CCDC171: variants seen among roughly 807,000 people sequenced by gnomAD.
CCDC171 encodes coiled-coil domain-containing protein 171.
Under a neutral mutation model 168.2 loss-of-function variants are expected in CCDC171, and 177 were observed. That is an observed-to-expected ratio of 1.05 (90% CI 0.93 to 1.19). The LOEUF (loss-of-function observed/expected upper bound fraction) is 1.19, where lower values mean the gene tolerates loss of function less well. Among genes scored for constraint, CCDC171 ranks in the 50% most tolerant of loss-of-function variants. The pLI is 0.00. For missense variants in CCDC171, 1,991 were observed against 1,539.0 expected, an observed-to-expected ratio of 1.29 and a Z score of -4.91; for synonymous variants, 687 against 540.8, an observed-to-expected ratio of 1.27 and a Z score of -3.75.
At chr9:15,633,795 C>T (rs927823318) in intron 7 of CCDC171, among the ~76,000 whole-genome samples, 1 of 152,090 alleles carries the variant, frequency 6.6e-6, no homozygotes, top group South Asian at 2.1e-4. Context: ...CAATGATAGA[C>T]TGGATTAAGA....
At chr9:15,934,158 C>G (rs187289414) in intron 25 of CCDC171, among the ~76,000 whole-genome samples, 1 of 151,700 alleles carries the variant, frequency 6.6e-6, no homozygotes, top group Non-Finnish European at 1.5e-5. Context: ...CTTTGGGAGG[C>G]TGAGGCAGGA....
chr9:15,979,072 T>G (rs576871046), intron 3 of CCDC171, among the ~76,000 whole-genome samples: 3 of 152,262 alleles, frequency 2.0e-5, no homozygotes, highest in Admixed American at 1.3e-4. Flanking sequence ...TCTACTTCAT[T>G]CCTTTTCAAG....
chr9:16,055,836 A>G (rs962389915), intron 1 of CCDC171, among the ~76,000 whole-genome samples: 1 of 152,282 alleles, frequency 6.6e-6, no homozygotes, highest in Non-Finnish European at 1.5e-5. Context: ...GTTAGGAACT[A>G]TTGCAGAATG....
At chr9:15,939,412 A>G (rs777848345) in intron 25 of CCDC171, among the ~76,000 whole-genome samples, 4 of 151,924 alleles carry the variant, frequency 2.6e-5, no homozygotes, top group Non-Finnish European at 5.9e-5. Flanking sequence ...GAAACAATTC[A>G]ACTTTTATAA....
the CCDC171 span, among the ~76,000 whole-genome samples, chr9:16,091,034 C>T: frequency 2.0e-5 from 3 of 152,286 alleles, no homozygotes; most frequent in East Asian, 1.9e-4. Flanking sequence ...TTGCTCTTCC[C>T]TTTCTAACAG....
At chr9:15,768,383 T>G (rs1446352033) in intron 18 of CCDC171, among the ~76,000 whole-genome samples, 3 of 152,156 alleles carry the variant, frequency 2.0e-5, no homozygotes, top group Non-Finnish European at 4.4e-5. Flanking sequence ...CATTTCTTAT[T>G]GGGTTATTTT....
At chr9:15,722,102 T>C (rs1157022769) in intron 12 of CCDC171, among the ~76,000 whole-genome samples, 2 of 152,238 alleles carry the variant, frequency 1.3e-5, no homozygotes, top group Non-Finnish European at 2.9e-5. Context: ...TTCAAAGTTA[T>C]AAAGACTCTA....
intron 24 of CCDC171, among the ~76,000 whole-genome samples, chr9:15,897,153 C>T (rs1252284905): frequency 1.3e-5 from 2 of 152,018 alleles, no homozygotes; most frequent in African/African-American, 4.8e-5. Context: ...TGGGATATCA[C>T]TGTCTTGGTA....
the CCDC171 span, among the ~76,000 whole-genome samples, chr9:16,085,595 T>A: frequency 6.6e-6 from 1 of 152,216 alleles, no homozygotes; most frequent in East Asian, 1.9e-4. Flanking sequence ...AGTGGCTGAC[T>A]CTAACTCACA....
chr9:15,618,611 CA>C (rs2044269350), intron 6 of CCDC171, among the ~76,000 whole-genome samples: 2 of 152,144 alleles, frequency 1.3e-5, no homozygotes, highest in Admixed American at 1.3e-4. Context: ...AACAGCCGCC[CA>C]GTTTTGTGCT....
At chr9:15,896,884 ACTT>A (rs951797222) in intron 24 of CCDC171, among the ~76,000 whole-genome samples, 6 of 152,040 alleles carry the variant, frequency 3.9e-5, no homozygotes, top group Admixed American at 3.3e-4. Context: ...TATCCAGAAA[ACTT>A]CTTATAAATA....
At chr9:16,088,657 A>T in the CCDC171 span, among the ~76,000 whole-genome samples, 2 of 152,200 alleles carry the variant, frequency 1.3e-5, no homozygotes, top group African/African-American at 2.4e-5. Context: ...CTGACAAGGG[A>T]CGTGAAGGAC....
intron 21 of CCDC171, among the ~76,000 whole-genome samples, chr9:15,791,688 C>T (rs1429259855): frequency 6.6e-6 from 1 of 152,046 alleles, no homozygotes; most frequent in Non-Finnish European, 1.5e-5. Flanking sequence ...TCAAAGGGAA[C>T]TCTGCTGCTG....
intron 18 of CCDC171, among the ~76,000 whole-genome samples, chr9:15,775,125 A>T (rs2057245159): frequency 6.6e-6 from 1 of 152,194 alleles, no homozygotes; most frequent in African/African-American, 2.4e-5. Flanking sequence ...TGCCCTCTGT[A>T]CTGTATAATG....
intron 21 of CCDC171, among the ~76,000 whole-genome samples, chr9:15,791,027 G>C (rs2058231293): frequency 1.3e-5 from 2 of 152,186 alleles, no homozygotes; most frequent in Admixed American, 1.3e-4. Context: ...AAGTCAGGTA[G>C]CGTGATGCCT....
At chr9:15,889,646 C>T (rs1480743589) in intron 24 of CCDC171, among the ~76,000 whole-genome samples, 1 of 152,216 alleles carries the variant, frequency 6.6e-6, no homozygotes, top group African/African-American at 2.4e-5. Flanking sequence ...CACTCCATGC[C>T]AGTAGGAATC....
At chr9:15,824,747 G>A (rs891730764) in intron 21 of CCDC171, among the ~76,000 whole-genome samples, 7 of 151,982 alleles carry the variant, frequency 4.6e-5, no homozygotes, top group Non-Finnish European at 4.4e-5. Flanking sequence ...ATCTTTTACT[G>A]TTGTCCATCC....
chr9:15,952,379 A>C (rs900928438), intron 25 of CCDC171, among the ~76,000 whole-genome samples: 5 of 152,050 alleles, frequency 3.3e-5, no homozygotes, highest in Non-Finnish European at 7.4e-5. Flanking sequence ...TTGAGATTAT[A>C]TATGAGTTTT....
At chr9:15,954,557 C>T (rs1026599288) in intron 25 of CCDC171, among the ~76,000 whole-genome samples, 2 of 151,980 alleles carry the variant, frequency 1.3e-5, no homozygotes, top group Non-Finnish European at 2.9e-5. Context: ...ATATGTTGCT[C>T]TGCTTATTGT....
Sources: gnomAD v4.1 joint callset for allele counts (sites outside exome capture counted in the v4.1 genomes callset) on GRCh38, gnomAD v4.1.1 for gene constraint, MANE v1.5 for transcripts, NCBI Gene and HGNC (gene_info 2026-07-23, HGNC 2026-07-21) for gene names.